SUGCT: variants seen among roughly 807,000 people sequenced by gnomAD.
SUGCT encodes succinyl-CoA:glutarate CoA-transferase.
In SUGCT, 41 loss-of-function variants were observed where a neutral mutation model predicts 55.0. That is an observed-to-expected ratio of 0.74 (90% CI 0.58 to 0.97). SUGCT has a LOEUF of 0.97. Ranked by LOEUF, SUGCT falls within the 50% of genes least tolerant of loss-of-function variation. The pLI, the probability that SUGCT is intolerant of heterozygous loss-of-function variation, is 0.00. For missense variants in SUGCT, 568 were observed against 547.8 expected, an observed-to-expected ratio of 1.04 and a Z score of -0.37; for synonymous variants, 187 against 200.4, an observed-to-expected ratio of 0.93 and a Z score of 0.56.
At chr7:40,689,740 C>A (rs1211113492) in intron 12 of SUGCT, among the ~76,000 whole-genome samples, 1 of 144,658 alleles carries the variant, frequency 6.9e-6, no homozygotes, top group Non-Finnish European at 1.5e-5. Flanking sequence ...TGGACAGTTT[C>A]ACTTAATTGA....
the SUGCT span, among the ~76,000 whole-genome samples, chr7:40,957,751 A>G: frequency 0.33 from 49,409 of 151,768 alleles, 8,866 homozygotes; most frequent in Admixed American, 0.44. Context: ...CAGTTTCTTC[A>G]TAGTTTCGGT....
chr7:40,763,191 A>C (rs552235892), intron 13 of SUGCT, among the ~76,000 whole-genome samples: 1 of 152,136 alleles, frequency 6.6e-6, no homozygotes, highest in Admixed American at 6.5e-5. Flanking sequence ...CAATAAGGCT[A>C]GTTGTAGGGC....
chr7:40,543,708 A>G (rs1437919291), intron 12 of SUGCT, among the ~76,000 whole-genome samples: 1 of 152,228 alleles, frequency 6.6e-6, no homozygotes, highest in East Asian at 1.9e-4. Flanking sequence ...AAAACACCAG[A>G]AAGAATTCTT....
At chr7:40,141,903 AG>A (rs1452601271) in intron 1 of SUGCT, 4 of 348,108 alleles carry the variant, frequency 1.1e-5, no homozygotes, top group Non-Finnish European at 2.4e-5. Flanking sequence ...AGGGAGGGGA[AG>A]GGGTTCTTAT....
chr7:41,018,910 T>G, the SUGCT span, among the ~76,000 whole-genome samples: 1 of 147,946 alleles, frequency 6.8e-6, no homozygotes, highest in Non-Finnish European at 1.5e-5. Flanking sequence ...AATATATTCT[T>G]TTTTTTTTTT....
chr7:40,892,832 C>T, the SUGCT span, among the ~76,000 whole-genome samples: 1 of 152,136 alleles, frequency 6.6e-6, no homozygotes, highest in Non-Finnish European at 1.5e-5. Context: ...GCCACTGTTC[C>T]CAGACCTGGT....
chr7:40,963,442 T>G, the SUGCT span, among the ~76,000 whole-genome samples: 3 of 152,240 alleles, frequency 2.0e-5, no homozygotes, highest in African/African-American at 7.2e-5. Flanking sequence ...TTTAAACATC[T>G]ATTTATTCTC....
chr7:40,763,442 G>A (rs1416562793), intron 13 of SUGCT, among the ~76,000 whole-genome samples: 4 of 152,088 alleles, frequency 2.6e-5, no homozygotes, highest in Non-Finnish European at 2.9e-5. Flanking sequence ...CTTTTATTGC[G>A]ATGCTCTACT....
intron 9 of SUGCT, among the ~76,000 whole-genome samples, chr7:40,434,947 A>ACC (rs1215576623): frequency 6.6e-6 from 1 of 152,016 alleles, no homozygotes; most frequent in Non-Finnish European, 1.5e-5. Context: ...GGTCAGCAGG[A>ACC]CCCTCCCATA....
At position 40,797,312 on chromosome 7, in the gene SUGCT, A is replaced by G. The variant is rs375133991; in HGVS notation, c.1153+47815A>G. Among the ~76,000 whole-genome samples the G allele has an allele frequency of 2.2e-4, 33 of 152,312 alleles. No homozygotes were observed. In the East Asian group the frequency reaches 6.2e-3, roughly 29 times the overall value. On this transcript the variant is annotated intron_variant, in intron 13 of 13. Transcript: ENST00000335693. The stretch of plus-strand genomic sequence containing the variant: ...AAAAACTGCATATTGGGATGTCCTT[A>G]TAAAACTGTTTTTTTTAATTTGGAA...
At chr7:40,184,408 T>C (rs989197878) in intron 3 of SUGCT, among the ~76,000 whole-genome samples, 4 of 152,096 alleles carry the variant, frequency 2.6e-5, no homozygotes, top group African/African-American at 9.7e-5. Flanking sequence ...GCTGGAACCA[T>C]AGTTGTGCGC....
intron 12 of SUGCT, among the ~76,000 whole-genome samples, chr7:40,642,443 G>A (rs973021940): frequency 4.6e-5 from 7 of 152,092 alleles, no homozygotes; most frequent in Admixed American, 1.3e-4. Context: ...CTGAGGGTAA[G>A]GAGAAGGAAG....
At chr7:40,897,998 G>C in the SUGCT span, among the ~76,000 whole-genome samples, 1 of 152,126 alleles carries the variant, frequency 6.6e-6, no homozygotes, top group Non-Finnish European at 1.5e-5. Flanking sequence ...ACCCGCTCAG[G>C]TTCCCTTCCG....
chr7:40,794,713 TTTTA>T (rs1201991183), intron 13 of SUGCT, among the ~76,000 whole-genome samples: 1 of 152,108 alleles, frequency 6.6e-6, no homozygotes, highest in Non-Finnish European at 1.5e-5. Flanking sequence ...CGGAAAGATT[TTTTA>T]TTTATTTTTT....
rs145068269 is a variant in SUGCT, at chr7:40,549,447, A to G, written c.1089+53061A>G. 2.9e-3 allele frequency among the ~76,000 whole-genome samples: 444 copies of G among 152,296 alleles called. 3 individuals carry two copies. The highest frequency in any genetic ancestry group is 9.9e-3 in the African/African-American group (410 of 41,564). On this transcript the variant is annotated intron_variant, in intron 12 of 13. Transcript: ENST00000335693. ...AAAGAAATGCAAGCATTTGGCTGAA[A>G]TTGTCTAGGAGGAAACCAAAGATGG...
chr7:40,758,513 A>G (rs891749665), intron 13 of SUGCT, among the ~76,000 whole-genome samples: 3 of 152,146 alleles, frequency 2.0e-5, no homozygotes, highest in Non-Finnish European at 2.9e-5. Context: ...ATACCTTACT[A>G]TAATCAATAG....
chr7:40,859,097 A>ATAG (rs1178275950), intron 13 of SUGCT, among the ~76,000 whole-genome samples: 20 of 152,302 alleles, frequency 1.3e-4, no homozygotes, highest in African/African-American at 4.6e-4. Context: ...AAAAATTGAG[A>ATAG]TAGGAATATC....
At chr7:40,174,835 A>C (rs1784846028) in intron 1 of SUGCT, among the ~76,000 whole-genome samples, 1 of 152,196 alleles carries the variant, frequency 6.6e-6, no homozygotes, top group South Asian at 2.1e-4. Flanking sequence ...GGAAAGTGTC[A>C]ATTGCTCTCC....
chr7:40,973,523 G>T, the SUGCT span, among the ~76,000 whole-genome samples: 38 of 152,246 alleles, frequency 2.5e-4, no homozygotes, highest in Non-Finnish European at 8.8e-5. Context: ...ACCCTAAGCA[G>T]TAGCTAATAC....
Sources: gnomAD v4.1 joint callset for allele counts (sites outside exome capture counted in the v4.1 genomes callset) on GRCh38, gnomAD v4.1.1 for gene constraint, MANE v1.5 for transcripts, NCBI Gene and HGNC (gene_info 2026-07-23, HGNC 2026-07-21) for gene names.